Variants in PKNOX2 observed in about 807,000 individuals in gnomAD.
PKNOX2 encodes the protein homeobox protein PKNOX2.
A neutral mutation model predicts 53.1 loss-of-function variants in PKNOX2; 14 were observed. The ratio of observed to expected loss-of-function variants is 0.26; its 90% CI spans 0.17 to 0.41. The LOEUF is 0.41. Ranked by LOEUF, PKNOX2 falls within the 10% of genes least tolerant of loss-of-function variation. The pLI is 1.00. For missense variants in PKNOX2, 496 were observed against 602.8 expected (o/e 0.82, Z 1.85); for synonymous variants, 257 against 242.8 (o/e 1.06, Z -0.54).
At chr11:125,271,970 G>A (rs1945822677) in intron 2 of PKNOX2, among the ~76,000 whole-genome samples, 1 of 152,200 alleles carries the variant, frequency 6.6e-6, no homozygotes, top group African/African-American at 2.4e-5. Flanking sequence ...AATGCCCTGT[G>A]CCTGCAGTGG....
At chr11:125,380,129 C>T (rs550368388) in intron 5 of PKNOX2, among the ~76,000 whole-genome samples, 1 of 152,222 alleles carries the variant, frequency 6.6e-6, no homozygotes, top group African/African-American at 2.4e-5. Flanking sequence ...TGTCCGCGCT[C>T]CTGGGGAAGG....
At chr11:125,404,487 C>T (rs1322190446) in intron 7 of PKNOX2, among the ~76,000 whole-genome samples, 1 of 152,178 alleles carries the variant, frequency 6.6e-6, no homozygotes, top group East Asian at 1.9e-4. Flanking sequence ...GGGAATCTGG[C>T]TTTTCTTGGT....
At chr11:125,205,711 C>T (rs1258707896) in intron 1 of PKNOX2, among the ~76,000 whole-genome samples, 1 of 152,010 alleles carries the variant, frequency 6.6e-6, no homozygotes, top group Non-Finnish European at 1.5e-5. Flanking sequence ...GCAGCCCAAT[C>T]TCGACTTCCC....
chr11:125,236,116 G>A (rs1363725604), intron 2 of PKNOX2, among the ~76,000 whole-genome samples: 1 of 152,246 alleles, frequency 6.6e-6, no homozygotes, highest in Non-Finnish European at 1.5e-5. Flanking sequence ...TAGATTGACT[G>A]TAATGAGTAT....
chr11:125,183,345 T>TAGC (rs1198985197), intron 1 of PKNOX2, among the ~76,000 whole-genome samples: 1 of 113,562 alleles, frequency 8.8e-6, no homozygotes, highest in Non-Finnish European at 1.9e-5. Context: ...GCCTCCCGAG[T>TAGC]AGCTGGGACT....
intron 1 of PKNOX2, among the ~76,000 whole-genome samples, chr11:125,197,066 A>T (rs1446121463): frequency 4.6e-5 from 7 of 152,220 alleles, no homozygotes; most frequent in Admixed American, 4.6e-4. Context: ...CACATTTCAC[A>T]GGGTCACCAT....
chr11:125,226,354 TCC>T (rs915830088), intron 1 of PKNOX2, among the ~76,000 whole-genome samples: 19 of 152,274 alleles, frequency 1.2e-4, no homozygotes, highest in African/African-American at 4.3e-4. Context: ...TGTAAACCTC[TCC>T]CCGGAAAAAC....
chr11:125,176,991 TAAC>T (rs1955759874), intron 1 of PKNOX2, among the ~76,000 whole-genome samples: 1 of 152,238 alleles, frequency 6.6e-6, no homozygotes, highest in Non-Finnish European at 1.5e-5. Context: ...GTCCTGGTGA[TAAC>T]CTTGCGATGT....
chr11:125,316,854 G>T (rs936376035), intron 2 of PKNOX2, among the ~76,000 whole-genome samples: 2 of 152,136 alleles, frequency 1.3e-5, no homozygotes, highest in African/African-American at 4.8e-5. Context: ...CAACAATGAA[G>T]TTTGCTGTAT....
chr11:125,367,597 A>C (rs1312675690), intron 4 of PKNOX2, among the ~76,000 whole-genome samples: 2 of 152,112 alleles, frequency 1.3e-5, no homozygotes, highest in African/African-American at 4.8e-5. Flanking sequence ...CTCTTTTCAG[A>C]GTGTGCTGGG....
chr11:125,292,931 G>A (rs1947398078), intron 2 of PKNOX2, among the ~76,000 whole-genome samples: 1 of 152,212 alleles, frequency 6.6e-6, no homozygotes, highest in Non-Finnish European at 1.5e-5. Flanking sequence ...GACGATGCGT[G>A]TTATTTGGCT....
At chr11:125,205,135 T>G (rs967045883) in intron 1 of PKNOX2, among the ~76,000 whole-genome samples, 4 of 152,266 alleles carry the variant, frequency 2.6e-5, no homozygotes, top group Non-Finnish European at 5.9e-5. Flanking sequence ...CAGAAGATGC[T>G]CCATACATAT....
At chr11:125,194,761 C>T (rs527683238) in intron 1 of PKNOX2, among the ~76,000 whole-genome samples, 10 of 152,306 alleles carry the variant, frequency 6.6e-5, no homozygotes, top group East Asian at 3.9e-4. Flanking sequence ...ACTCATTCAA[C>T]GCATTTTTAG....
rs1229188111 is a variant in PKNOX2 at position 125,385,742 on chromosome 11, T to C, written c.399+20T>C. On this transcript the variant is annotated intron_variant, in intron 6 of 12. Transcript: ENST00000298282. ...AATCTGGTAAAGACCCTCCACCCTC[T>C]ACCCTGGCTAGAGTCTTCCTACCCT... is the stretch of plus-strand genomic sequence containing the variant. The C allele has an allele frequency of 6.2e-7, 1 of 1,609,324 alleles. No homozygotes were observed. The highest frequency in any genetic ancestry group is 1.1e-5 in the South Asian group (1 of 89,982).
Position 125,411,836 on chromosome 11 carries a change from A to C in PKNOX2, c.907A>C (p.Met303Leu). Residue 303 changes from methionine to leucine, a missense_variant, in exon 10 of 13, where the codon ATG becomes CTG. By Grantham distance (15) the Met-to-Leu change is conservative. Transcript: ENST00000298282. ...GVLPKHATNI[M>L]RSWLFQHLMH... ...CTTGCCCAAGCATGCCACCAATATA[A>C]TGCGTTCTTGGCTCTTCCAGCATCT... 5.0e-6 allele frequency: 8 copies of C among 1,613,614 alleles called. No homozygotes were observed. The highest frequency in any genetic ancestry group is 6.8e-6 in the Non-Finnish European group (8 of 1,179,798).
chr11:125,247,242 C>T (rs186223866), intron 2 of PKNOX2, among the ~76,000 whole-genome samples: 6 of 152,296 alleles, frequency 3.9e-5, no homozygotes, highest in Admixed American at 2.0e-4. Flanking sequence ...CTCTTTGCCT[C>T]GAATGCCCTC....
chr11:125,298,823 G>A (rs1310022884), intron 2 of PKNOX2, among the ~76,000 whole-genome samples: 3 of 152,192 alleles, frequency 2.0e-5, no homozygotes, highest in Non-Finnish European at 4.4e-5. Context: ...TGGCACACTT[G>A]TAGGGCAGGC....
chr11:125,175,006 T>G (rs1317273379), intron 1 of PKNOX2, among the ~76,000 whole-genome samples: 1 of 152,152 alleles, frequency 6.6e-6, no homozygotes, highest in Non-Finnish European at 1.5e-5. Flanking sequence ...TGAAGCCTGT[T>G]TCCAAGGAAC....
At chr11:125,320,120 C>T (rs777898394) in intron 2 of PKNOX2, among the ~76,000 whole-genome samples, 1 of 152,152 alleles carries the variant, frequency 6.6e-6, no homozygotes, top group South Asian at 2.1e-4. Context: ...CTTGCTGTTT[C>T]CTGTTTCTCA....
Sources: allele counts gnomAD v4.1 joint callset (sites outside exome capture counted in the v4.1 genomes callset), GRCh38; gene constraint gnomAD v4.1.1; transcripts MANE v1.5; gene names NCBI Gene and HGNC (gene_info 2026-07-23, HGNC 2026-07-21).